The following SORCS1 variants were observed in gnomAD, a reference collection of about 807,000 sequenced individuals.
SORCS1 encodes VPS10 domain-containing receptor SorCS1.
In SORCS1, 60 loss-of-function variants were observed where a neutral mutation model predicts 146.1. The ratio of observed to expected loss-of-function variants is 0.41; its 90% CI spans 0.33 to 0.51. The LOEUF (loss-of-function observed/expected upper bound fraction) is 0.51, where lower values mean the gene tolerates loss of function less well. Among genes scored for constraint, SORCS1 ranks in the 20% least tolerant of loss-of-function variants. SORCS1 has a pLI of 0.21. For missense variants in SORCS1, 1,352 were observed against 1,487.6 expected (o/e 0.91, Z 1.50); for synonymous variants, 637 against 584.0 (o/e 1.09, Z -1.31).
At chr10:106,676,739 G>T (rs1425765886) in intron 13 of SORCS1, among the ~76,000 whole-genome samples, 1 of 151,892 alleles carries the variant, frequency 6.6e-6, no homozygotes, top group Non-Finnish European at 1.5e-5. Context: ...GATGTTTATG[G>T]TTTCTTTGAA....
At chr10:106,656,356 C>T (rs1426108134) in intron 17 of SORCS1, among the ~76,000 whole-genome samples, 1 of 152,086 alleles carries the variant, frequency 6.6e-6, no homozygotes, top group African/African-American at 2.4e-5. Context: ...CGAGACCATC[C>T]TGGCTAACAC....
chr10:106,782,310 G>A (rs1251939), intron 3 of SORCS1, among the ~76,000 whole-genome samples: 41,106 of 151,966 alleles, frequency 0.27, 5,721 homozygotes, highest in Non-Finnish European at 0.3. Flanking sequence ...CTGTCGCCCC[G>A]GCTGGAGTGC....
intron 1 of SORCS1, among the ~76,000 whole-genome samples, chr10:107,028,506 C>T (rs141022476): frequency 5.3e-5 from 8 of 152,248 alleles, no homozygotes; most frequent in East Asian, 1.9e-4. Context: ...GTAAGTGAAA[C>T]GCTGAGTGTA....
chr10:107,165,292 A>AGTGAGTGT (rs1970015220), upstream of SORCS1, among the ~76,000 whole-genome samples: 1 of 142,718 alleles, frequency 7.0e-6, no homozygotes, highest in African/African-American at 2.7e-5. The surrounding 1 kb of genome is among the most constrained non-coding windows in gnomAD (Gnocchi z 4.0). Context: ...CTCGTGTGTG[A>AGTGAGTGT]GTGTGTGTGT....
intron 1 of SORCS1, among the ~76,000 whole-genome samples, chr10:107,024,164 A>G: frequency 8.7e-6 from 1 of 114,584 alleles, no homozygotes; most frequent in Non-Finnish European, 1.8e-5. Flanking sequence ...ACAGAGCAAG[A>G]TTCCATCTCA....
intron 1 of SORCS1, among the ~76,000 whole-genome samples, chr10:107,078,386 T>C (rs1370171388): frequency 2.4e-4 from 37 of 152,204 alleles, no homozygotes; most frequent in Admixed American, 2.4e-3. Flanking sequence ...AGATTAGAAA[T>C]GAGAAGCTAA....
intron 1 of SORCS1, among the ~76,000 whole-genome samples, chr10:107,043,803 G>C (rs1959193241): frequency 1.3e-5 from 2 of 152,158 alleles, no homozygotes; most frequent in African/African-American, 4.8e-5. Context: ...ATTAATGCCT[G>C]TCTACCCCAC....
Position 106,737,181 on chromosome 10 carries a change from G to A in SORCS1, c.960-7067C>T, listed in dbSNP as rs544168080. Among the ~76,000 whole-genome samples, 7 of 152,204 alleles carry A rather than the reference G, an allele frequency of 4.6e-5. No homozygotes were observed. In the South Asian group the frequency reaches 1.2e-3, roughly 27 times the overall value. On this transcript the variant is annotated intron_variant, in intron 5 of 25. Coordinates refer to ENST00000263054, the MANE Select transcript of SORCS1 (RefSeq NM_052918.5). ...GATGAAGATGTTTATTGAGCAAAGG[G>A]CTTGGTAAATAGGACTAAAAGTTTA...
chr10:106,858,464 A>G (rs546226694), intron 2 of SORCS1, among the ~76,000 whole-genome samples: 2 of 152,082 alleles, frequency 1.3e-5, no homozygotes, highest in South Asian at 4.1e-4. Flanking sequence ...CTAAAAATAC[A>G]AAAAAATTAG....
chr10:107,026,615 CAAA>C (rs78098595), intron 1 of SORCS1, among the ~76,000 whole-genome samples: 1 of 92,736 alleles, frequency 1.1e-5, no homozygotes, highest in African/African-American at 4.0e-5. Context: ...GAGATGCCAT[CAAA>C]AAAAAAAAAA....
chr10:106,974,697 A>T (rs1955923258), intron 1 of SORCS1, among the ~76,000 whole-genome samples: 1 of 152,192 alleles, frequency 6.6e-6, no homozygotes, highest in Admixed American at 6.5e-5. Flanking sequence ...CCCTGTCTGC[A>T]GCAGAACTAC....
At chr10:106,733,852 C>T (rs184172853) in intron 5 of SORCS1, among the ~76,000 whole-genome samples, 73 of 152,156 alleles carry the variant, frequency 4.8e-4, no homozygotes, top group Admixed American at 2.6e-3. Flanking sequence ...CTAGATTATC[C>T]GACACATATC....
chr10:106,576,973 GAGA>G lies in SORCS1; in HGVS notation c.*444_*446del, dbSNP rs767359192. 4.6e-4 allele frequency: 119 copies of G among 257,420 alleles called. No individual in the cohort carries two copies. The highest frequency in any genetic ancestry group is 1.5e-3 in the Middle Eastern group (1 of 672). 15.9% of individuals were successfully genotyped at this position (257,420 alleles called of 1,614,324 possible). On this transcript the variant is annotated 3_prime_UTR_variant, in exon 26 of 26. Coordinates refer to ENST00000263054, the MANE Select transcript of SORCS1 (RefSeq NM_052918.5). ...AACACGACCGATCAGAAAAAAGAGA[GAGA>G]AGAAGAAAGAGGGAGAGGGGAGTGT...
chr10:107,011,082 AAAT>A (rs1263739029), intron 1 of SORCS1, among the ~76,000 whole-genome samples: 1 of 152,216 alleles, frequency 6.6e-6, no homozygotes, highest in African/African-American at 2.4e-5. Context: ...GAAGGAAAGA[AAAT>A]AATAATAATT....
At chr10:106,677,264 C>A (rs1852099542) in intron 13 of SORCS1, 49 bp downstream of exon 13, 1 of 1,487,630 alleles carries the variant, frequency 6.7e-7, no homozygotes, top group Non-Finnish European at 9.4e-7. Context: ...CTGATCTTAG[C>A]AGTTCAGGAC....
intron 2 of SORCS1, among the ~76,000 whole-genome samples, chr10:106,856,451 T>C (rs1189217235): frequency 1.3e-5 from 2 of 152,234 alleles, no homozygotes; most frequent in South Asian, 4.1e-4. Flanking sequence ...ACATAATAGC[T>C]AGAGGAAGTT....
At chr10:106,626,788 T>A (rs1286516638) in intron 19 of SORCS1, among the ~76,000 whole-genome samples, 1 of 152,200 alleles carries the variant, frequency 6.6e-6, no homozygotes, top group Non-Finnish European at 1.5e-5. Flanking sequence ...TATGAGTTTA[T>A]ATGTATGTGA....
intron 2 of SORCS1, among the ~76,000 whole-genome samples, chr10:106,875,864 T>C (rs953464460): frequency 1.3e-5 from 2 of 152,102 alleles, no homozygotes; most frequent in African/African-American, 4.8e-5. Context: ...GTGACAGAAG[T>C]AGAAAAAGTA....
chr10:106,909,002 G>A (rs936614208), intron 2 of SORCS1, among the ~76,000 whole-genome samples: 82 of 152,136 alleles, frequency 5.4e-4, no homozygotes, highest in African/African-American at 1.9e-3. Flanking sequence ...TTCTTGGGAA[G>A]AAATGTTTGC....
Sources: gnomAD v4.1 joint callset for allele counts (sites outside exome capture counted in the v4.1 genomes callset) on GRCh38, gnomAD v4.1.1 for gene constraint, Gnocchi (gnomAD v3.1) non-coding constraint, MANE v1.5 for transcripts, NCBI Gene and HGNC (gene_info 2026-07-23, HGNC 2026-07-21) for gene names.